SAMD12: variants seen among roughly 807,000 people sequenced by gnomAD.
SAMD12 encodes the protein sterile alpha motif domain containing 12.
Under a neutral mutation model 15.0 loss-of-function variants are expected in SAMD12, and 9 were observed. That is an observed-to-expected ratio of 0.60 (90% CI 0.36 to 1.05). The LOEUF (loss-of-function observed/expected upper bound fraction) is 1.05, where lower values mean the gene tolerates loss of function less well. Ranked by LOEUF, SAMD12 falls within the 50% of genes least tolerant of loss-of-function variation. The pLI, the probability that SAMD12 is intolerant of heterozygous loss-of-function variation, is 0.01. For synonymous variants in SAMD12, 86 were observed against 90.1 expected (o/e 0.96, Z 0.25); for missense variants, 230 against 234.2 (o/e 0.98, Z 0.12).
chr8:118,390,495 T>C (rs1408439300), intron 3 of SAMD12, among the ~76,000 whole-genome samples: 3 of 152,166 alleles, frequency 2.0e-5, no homozygotes, highest in African/African-American at 7.2e-5. Context: ...TAGCCCTTCA[T>C]TTTTCATAAC....
At chr8:118,535,861 C>A (rs759737430) in intron 2 of SAMD12, among the ~76,000 whole-genome samples, 21 of 152,208 alleles carry the variant, frequency 1.4e-4, no homozygotes, top group Non-Finnish European at 2.4e-4. Context: ...CTCCCCTTGG[C>A]TAGGAAAGGG....
chr8:118,564,677 G>A (rs559021746), intron 2 of SAMD12, among the ~76,000 whole-genome samples: 4 of 152,312 alleles, frequency 2.6e-5, no homozygotes, highest in Admixed American at 2.0e-4. Flanking sequence ...TACAGCCTAA[G>A]AGTATGCAGC....
intron 4 of SAMD12, among the ~76,000 whole-genome samples, chr8:118,304,509 G>A (rs1426768104): frequency 2.0e-5 from 3 of 151,904 alleles, no homozygotes; most frequent in South Asian, 2.1e-4. Context: ...GCCTGTAATC[G>A]CAGCACTTTG....
intron 3 of SAMD12, among the ~76,000 whole-genome samples, chr8:118,438,295 C>G (rs1822631572): frequency 6.6e-6 from 1 of 152,118 alleles, no homozygotes; most frequent in African/African-American, 2.4e-5. Flanking sequence ...TTTGTTAACT[C>G]AACTTGAGCT....
At chr8:118,244,507 A>T (rs901917304) in intron 4 of SAMD12, among the ~76,000 whole-genome samples, 2 of 152,116 alleles carry the variant, frequency 1.3e-5, no homozygotes, top group African/African-American at 2.4e-5. Flanking sequence ...GGATTTTGAA[A>T]CATTTGCAGT....
At chr8:118,615,660 G>A (rs1455579681) in intron 1 of SAMD12, among the ~76,000 whole-genome samples, 1 of 152,132 alleles carries the variant, frequency 6.6e-6, no homozygotes, top group Non-Finnish European at 1.5e-5. Flanking sequence ...CTTGTAATAT[G>A]TCACCACGTC....
chr8:118,331,599 G>T (rs1051108709), intron 4 of SAMD12, among the ~76,000 whole-genome samples: 5 of 152,186 alleles, frequency 3.3e-5, no homozygotes, highest in African/African-American at 9.7e-5. Flanking sequence ...GATATTTTCA[G>T]CCAGGGAAGG....
chr8:118,529,904 T>C lies in SAMD12; in HGVS notation c.192+50811A>G, dbSNP rs150826235. 1.1e-3 allele frequency among the ~76,000 whole-genome samples: 163 copies of C among 152,322 alleles called. No individual in the cohort carries two copies. The East Asian group carries it at 0.024, about 22-fold the overall frequency. ...TTTGGGTAGATACCTAGCAGTAGGATTGCTGGATCAAATGATAGTTCTATT... is the reference window on the plus strand; with the variant it reads ...TTTGGGTAGATACCTAGCAGTAGGACTGCTGGATCAAATGATAGTTCTATT... On this transcript the variant is annotated intron_variant, in intron 2 of 3. Coordinates refer to ENST00000314727, the MANE Select transcript of SAMD12 (RefSeq NM_207506.3).
At chr8:118,256,656 T>C (rs902132908) in intron 4 of SAMD12, among the ~76,000 whole-genome samples, 2 of 151,970 alleles carry the variant, frequency 1.3e-5, no homozygotes, top group African/African-American at 4.8e-5. Flanking sequence ...GATTCAAATC[T>C]TAAAAGAGTA....
intron 2 of SAMD12, among the ~76,000 whole-genome samples, chr8:118,522,179 TAC>T (rs57368278): frequency 0.016 from 426 of 25,854 alleles, 6 homozygotes; most frequent in South Asian, 0.15. Context: ...CACACACACA[TAC>T]ACACACACAC....
intron 2 of SAMD12, among the ~76,000 whole-genome samples, chr8:118,540,852 C>T (rs976998603): frequency 3.2e-4 from 48 of 152,092 alleles, no homozygotes; most frequent in Non-Finnish European, 6.5e-4. Context: ...GTCTTCATTC[C>T]TTTCTGATGG....
intron 4 of SAMD12, among the ~76,000 whole-genome samples, chr8:118,338,783 G>T (rs1034848661): frequency 8.5e-5 from 13 of 152,084 alleles, no homozygotes; most frequent in African/African-American, 2.9e-4. Flanking sequence ...AATTAACAGG[G>T]CAGCAAAGGC....
intron 4 of SAMD12, among the ~76,000 whole-genome samples, chr8:118,307,889 C>T (rs920155130): frequency 4.6e-5 from 7 of 152,130 alleles, no homozygotes; most frequent in Admixed American, 1.3e-4. Context: ...AGGAGAAAGG[C>T]GAGGTCAGGG....
At chr8:118,209,710 G>A (rs923629833) in intron 4 of SAMD12, among the ~76,000 whole-genome samples, 2 of 152,196 alleles carry the variant, frequency 1.3e-5, no homozygotes, top group Admixed American at 6.5e-5. Context: ...CCAAGACTAC[G>A]ATGTTTGAAA....
chr8:118,550,764 G>A (rs1012773189), intron 2 of SAMD12, among the ~76,000 whole-genome samples: 2 of 151,464 alleles, frequency 1.3e-5, no homozygotes, highest in African/African-American at 2.4e-5. Flanking sequence ...ACCCATCAGT[G>A]TGTTGTATTC....
At chr8:118,206,475 G>A (rs1052035522) in intron 4 of SAMD12, among the ~76,000 whole-genome samples, 1 of 152,168 alleles carries the variant, frequency 6.6e-6, no homozygotes, top group Non-Finnish European at 1.5e-5. Context: ...GGGAATACAG[G>A]CATGGTCCAT....
At chr8:118,566,295 C>A (rs1383212772) in intron 2 of SAMD12, among the ~76,000 whole-genome samples, 1 of 152,138 alleles carries the variant, frequency 6.6e-6, no homozygotes, top group African/African-American at 2.4e-5. Flanking sequence ...ATTTTGGTTT[C>A]GTCTCAGAAA....
At chr8:118,313,173 C>T (rs914542729) in intron 4 of SAMD12, among the ~76,000 whole-genome samples, 4 of 152,168 alleles carry the variant, frequency 2.6e-5, no homozygotes, top group Non-Finnish European at 4.4e-5. Flanking sequence ...AAGGAATTTT[C>T]TCTTCTAAAC....
intron 2 of SAMD12, among the ~76,000 whole-genome samples, chr8:118,483,859 T>G (rs1320418059): frequency 6.6e-6 from 1 of 152,100 alleles, no homozygotes; most frequent in Non-Finnish European, 1.5e-5. Context: ...TCAGAGAGAT[T>G]AACCTGCAGA....
Sources: allele counts gnomAD v4.1 joint callset (sites outside exome capture counted in the v4.1 genomes callset), GRCh38; gene constraint gnomAD v4.1.1; transcripts MANE v1.5; gene names NCBI Gene and HGNC (gene_info 2026-07-23, HGNC 2026-07-21).